DLG5: variants seen among roughly 807,000 people sequenced by gnomAD.
The protein encoded by DLG5 is discs large MAGUK scaffold protein 5.
Under a neutral mutation model 189.8 loss-of-function variants are expected in DLG5, and 48 were observed. That is an observed-to-expected ratio of 0.25 (90% confidence interval 0.20 to 0.32). The LOEUF is 0.32. Ranked by LOEUF, DLG5 falls within the 10% of genes least tolerant of loss-of-function variation. The probability of loss-of-function intolerance (pLI) is 1.00; values close to 1 mark genes in which losing one functional copy is unlikely to be tolerated. For synonymous variants in DLG5, 1,016 were observed against 1,054.1 expected (o/e 0.96, Z 0.70); for missense variants, 2,160 against 2,544.7 (o/e 0.85, Z 3.25).
the DLG5 span, among the ~76,000 whole-genome samples, chr10:77,933,450 C>T: frequency 2.6e-5 from 4 of 151,910 alleles, no homozygotes; most frequent in Middle Eastern, 3.2e-3. Flanking sequence ...CCCGCCACCA[C>T]GCTCGGCTAA....
intron 17 of DLG5, 54 bp downstream of exon 17, chr10:77,819,267 C>G: frequency 6.2e-7 from 1 of 1,612,326 alleles, no homozygotes; most frequent in Non-Finnish European, 8.5e-7. Context: ...GGTTCCATGT[C>G]CAGGCAGGCT....
chr10:77,900,691 C>T (rs1408164195), intron 1 of DLG5, among the ~76,000 whole-genome samples: 1 of 152,092 alleles, frequency 6.6e-6, no homozygotes, highest in Non-Finnish European at 1.5e-5. Context: ...AATCCCAGCA[C>T]TTTGGGAGGC....
At chr10:77,924,893 G>A (rs1283598662) in intron 1 of DLG5, among the ~76,000 whole-genome samples, 1 of 152,176 alleles carries the variant, frequency 6.6e-6, no homozygotes, top group Non-Finnish European at 1.5e-5. Flanking sequence ...GCCAACGTAA[G>A]AGAGCTGTTA....
chr10:77,846,869 G>C (rs1843721583), intron 5 of DLG5: 1 of 384,012 alleles, frequency 2.6e-6, no homozygotes, highest in Admixed American at 3.3e-5. Context: ...TCCTGCAGCG[G>C]CTTCCCGCCT....
intron 8 of DLG5, among the ~76,000 whole-genome samples, chr10:77,834,835 C>A (rs1589183004): frequency 6.6e-6 from 1 of 152,280 alleles, no homozygotes; most frequent in East Asian, 1.9e-4. Flanking sequence ...TCCCCTTGCA[C>A]TGGGCACCTA....
intron 1 of DLG5, among the ~76,000 whole-genome samples, chr10:77,896,117 G>C (rs910112705): frequency 6.8e-6 from 1 of 148,090 alleles, no homozygotes; most frequent in African/African-American, 2.5e-5. Flanking sequence ...CCAAGATCCC[G>C]CCACAGCACT....
In DLG5 at chr10:77,829,458, C is replaced by G. The variant is rs371509149; in HGVS notation, c.2082G>C (p.Ala694=). Residue 694 remains alanine, a synonymous_variant, in exon 12 of 32, where the codon GCG becomes GCC. Coordinates refer to ENST00000372391, the MANE Select transcript of DLG5 (RefSeq NM_004747.4). The stretch of plus-strand genomic sequence containing the variant: ...TGATGGCCCCCTCCCCATTGAGGAG[C>G]GCCTTGATGGCCTGCTTCTTGTCCT... ...INKDKKQAIK[A]LLNGEGAINM... 6.2e-7 allele frequency: 1 copy of G among 1,614,148 alleles called. No homozygotes were observed. Among genetic ancestry groups the G allele is most frequent in the Non-Finnish European group, 8.5e-7 (1 of 1,180,026 alleles).
chr10:77,812,664 G>C (rs138776515), intron 20 of DLG5, among the ~76,000 whole-genome samples: 1 of 152,184 alleles, frequency 6.6e-6, no homozygotes, highest in Admixed American at 6.5e-5. Context: ...TGATACATGT[G>C]GATTTTCATT....
At chr10:77,841,759 C>G in intron 7 of DLG5, 122 bp downstream of exon 7, 1 of 1,138,362 alleles carries the variant, frequency 8.8e-7, no homozygotes, top group African/African-American at 1.5e-5. Context: ...CTTAGGCCTC[C>G]AGTGAGAAGC....
Position 77,926,634 on chromosome 10 carries a change from G to T in DLG5, c.-114C>A, listed in dbSNP as rs1846704687. The T allele has an allele frequency of 1.2e-6, 1 of 835,482 alleles. No individual in the cohort carries two copies. The highest frequency in any genetic ancestry group is 5.5e-5 in the South Asian group (1 of 18,236). 51.8% of individuals were successfully genotyped at this position (835,482 alleles called of 1,614,324 possible). On this transcript the variant is annotated 5_prime_UTR_variant, in exon 1 of 32. Coordinates refer to ENST00000372391, the MANE Select transcript of DLG5 (RefSeq NM_004747.4). The surrounding 1 kb of genome is among the most constrained non-coding windows in gnomAD (Gnocchi z 5.2). ...CCTAGGGCGCCGGGAGCCGTGAGGC[G>T]GCGGGAGCCATGGGCCGGGGCCTGG...
the DLG5 span, among the ~76,000 whole-genome samples, chr10:77,939,831 G>A: frequency 2.0e-5 from 3 of 152,344 alleles, no homozygotes; most frequent in African/African-American, 7.2e-5. Context: ...GTCACATGAG[G>A]TGTTGCAGCA....
At chr10:77,809,223 A>G (rs1159729884) in intron 24 of DLG5, among the ~76,000 whole-genome samples, 1 of 151,972 alleles carries the variant, frequency 6.6e-6, no homozygotes, top group African/African-American at 2.4e-5. Context: ...CCTGGGCAAC[A>G]TGGTGAAACT....
In DLG5 at chr10:77,829,020, G is replaced by A. The variant is rs751783465; in HGVS notation, c.2186-35C>T. 4 of 1,598,670 alleles carry A rather than the reference G, an allele frequency of 2.5e-6. No homozygotes were observed. The African/African-American group carries it at 5.4e-5, about 21-fold the overall frequency. On this transcript the variant is annotated intron_variant, in intron 12 of 31. Transcript: ENST00000372391. ...ACAGGAGGTCACTGGGTAGCCCCTG[G>A]CCTCGCTGCCCAGCCCTGGGTCACC... is the stretch of plus-strand genomic sequence containing the variant.
intron 3 of DLG5, among the ~76,000 whole-genome samples, chr10:77,855,108 A>G (rs1441900742): frequency 6.6e-6 from 1 of 152,266 alleles, no homozygotes; most frequent in East Asian, 1.9e-4. Context: ...ACCAATGCCC[A>G]GGTCAATTAC....
intron 1 of DLG5, among the ~76,000 whole-genome samples, chr10:77,909,734 C>A (rs1055684147): frequency 6.6e-6 from 1 of 152,136 alleles, no homozygotes; most frequent in Non-Finnish European, 1.5e-5. Context: ...AAACTCTAAA[C>A]CGCCATGGGT....
At chr10:77,911,386 A>C (rs1846216699) in intron 1 of DLG5, among the ~76,000 whole-genome samples, 1 of 152,250 alleles carries the variant, frequency 6.6e-6, no homozygotes, top group African/African-American at 2.4e-5. Flanking sequence ...AAGTGCTGGA[A>C]TTACAGGTGT....
At chr10:77,903,242 A>G (rs1845981852) in intron 1 of DLG5, among the ~76,000 whole-genome samples, 1 of 152,030 alleles carries the variant, frequency 6.6e-6, no homozygotes, top group Non-Finnish European at 1.5e-5. Context: ...AGCCTGGCCA[A>G]TATGGAGAAC....
chr10:77,819,334 C>T lies in DLG5; in HGVS notation c.3658G>A (p.Gly1220Ser). 6.2e-7 allele frequency: 1 copy of T among 1,613,956 alleles called. No individual in the cohort carries two copies. Among genetic ancestry groups the T allele is most frequent in the Non-Finnish European group, 8.5e-7 (1 of 1,180,000 alleles). Residue 1220 changes from glycine (G) to serine (S), a missense_variant, in exon 17 of 32, where the codon GGT (glycine) becomes AGT (serine). Gly to Ser is a moderately conservative substitution (Grantham distance 56). Coordinates refer to ENST00000372391, the MANE Select transcript of DLG5 (RefSeq NM_004747.4). The part of the protein sequence containing the change: ...PPAARDAGPQ[G>S]LHPSVQHQGR... ...GCCTTCACATACCTGGGATGCAAAC[C>T]CTGGGGGCCAGCATCTCGGGCCGCA...
In DLG5 at chr10:77,854,314, G is replaced by A; in HGVS notation, c.593C>T (p.Ala198Val). The A allele has an allele frequency of 6.2e-7, 1 of 1,614,150 alleles. No individual in the cohort carries two copies. Among genetic ancestry groups the A allele is most frequent in the Non-Finnish European group, 8.5e-7 (1 of 1,180,030 alleles). The change falls in exon 4 of 32, where the codon GCC becomes GTC. Residue 198 changes from alanine (A) to valine (V), a missense_variant. By Grantham distance (64) the Ala-to-Val change is moderately conservative. Coordinates refer to ENST00000372391, the MANE Select transcript of DLG5 (RefSeq NM_004747.4). ...CTGCAGGCTCTGCAGGTCCGACATG[G>A]CTCGCACGCACTGGATCTTCAGCCT... ...YERLKIQCVR[A>V]MSDLQSLQNQ...
Sources: allele counts gnomAD v4.1 joint callset (sites outside exome capture counted in the v4.1 genomes callset), GRCh38; gene constraint gnomAD v4.1.1; non-coding constraint Gnocchi (gnomAD v3.1); transcripts MANE v1.5; gene names NCBI Gene and HGNC (gene_info 2026-07-23, HGNC 2026-07-21).